The following ASPRV1 variants were observed in gnomAD, a reference collection of about 807,000 sequenced individuals.
The protein encoded by ASPRV1 is retroviral-like aspartic protease 1.
ASPRV1 carries 7 observed loss-of-function variants against 11.0 expected under a neutral mutation model. The ratio of observed to expected loss-of-function variants is 0.64; its 90% confidence interval spans 0.36 to 1.20. ASPRV1 has a LOEUF of 1.20. Ranked by LOEUF, ASPRV1 falls within the 50% of genes most tolerant of loss-of-function variation. The probability of loss-of-function intolerance (pLI) is 0.02; values close to 1 mark genes in which losing one functional copy is unlikely to be tolerated. For missense variants in ASPRV1, 299 were observed against 320.0 expected (o/e 0.93, Z 0.50); for synonymous variants, 136 against 138.4 (o/e 0.98, Z 0.12).
the ASPRV1 span, among the ~76,000 whole-genome samples, chr2:70,015,088 C>G: frequency 6.6e-6 from 1 of 152,174 alleles, no homozygotes; most frequent in African/African-American, 2.4e-5. Flanking sequence ...ATTATCACCT[C>G]ACACCCATTA....
chr2:69,994,301 C>G, the ASPRV1 span: 3 of 152,620 alleles, frequency 2.0e-5, no homozygotes, highest in Non-Finnish European at 4.4e-5. Flanking sequence ...AGATGTGCAG[C>G]CTGTGTCCCT....
At chr2:69,971,799 CTGAGGAGAAA>C in the ASPRV1 span, among the ~76,000 whole-genome samples, 1 of 152,298 alleles carries the variant, frequency 6.6e-6, no homozygotes, top group African/African-American at 2.4e-5. Context: ...GGGAGCTTTG[CTGAGGAGAAA>C]GGTGCCTCTG....
chr2:69,940,534 C>A, the ASPRV1 span: 4 of 152,554 alleles, frequency 2.6e-5, no homozygotes, highest in Non-Finnish European at 5.9e-5. Context: ...CCAAGAGATG[C>A]CATTATTTTC....
the ASPRV1 span, chr2:69,937,986 A>G: frequency 1.0e-6 from 1 of 968,802 alleles, no homozygotes; most frequent in Non-Finnish European, 1.5e-6. Flanking sequence ...ACCTCAAGTG[A>G]TCCACCCGCC....
chr2:70,009,092 A>C, the ASPRV1 span, among the ~76,000 whole-genome samples: 1 of 152,182 alleles, frequency 6.6e-6, no homozygotes, highest in African/African-American at 2.4e-5. Flanking sequence ...GAAAAAAATT[A>C]ATTTCTCAGA....
the ASPRV1 span, among the ~76,000 whole-genome samples, chr2:69,978,753 G>A: frequency 3.9e-5 from 6 of 152,340 alleles, no homozygotes; most frequent in South Asian, 4.1e-4. Context: ...GTAGCAGCCC[G>A]TGGACAGGAG....
chr2:69,999,769 G>A, the ASPRV1 span, among the ~76,000 whole-genome samples: 2 of 151,132 alleles, frequency 1.3e-5, no homozygotes, highest in African/African-American at 2.4e-5. Context: ...GAATTGTCAC[G>A]ATCTCTGCAC....
At chr2:70,043,666 C>T in the ASPRV1 span, among the ~76,000 whole-genome samples, 7 of 152,236 alleles carry the variant, frequency 4.6e-5, no homozygotes, top group Non-Finnish European at 8.8e-5. Flanking sequence ...AAATGCCCTG[C>T]CCTTGTTGCC....
chr2:70,081,299 C>T, the ASPRV1 span: 7 of 152,038 alleles, frequency 4.6e-5, no homozygotes, highest in African/African-American at 1.7e-4. Flanking sequence ...AATTTTCCAT[C>T]CTGGCTAACA....
At chr2:69,935,384 G>A in the ASPRV1 span, 2 of 1,614,142 alleles carry the variant, frequency 1.2e-6, no homozygotes, top group Non-Finnish European at 1.7e-6. Context: ...TGGAGAAGTT[G>A]AAGGGGCTGG....
the ASPRV1 span, among the ~76,000 whole-genome samples, chr2:70,075,524 T>C: frequency 2.6e-5 from 4 of 152,044 alleles, no homozygotes; most frequent in East Asian, 1.9e-4. Context: ...AATGAGATAA[T>C]CCATGTAGAG....
the ASPRV1 span, chr2:70,086,043 T>C: frequency 2.6e-5 from 4 of 152,146 alleles, no homozygotes; most frequent in African/African-American, 9.7e-5. Context: ...AGAGATTAAA[T>C]ATTGTGCCCA....
At chr2:70,058,139 G>A in the ASPRV1 span, among the ~76,000 whole-genome samples, 49 of 152,268 alleles carry the variant, frequency 3.2e-4, no homozygotes, top group Middle Eastern at 6.8e-3. Context: ...AAGGAATCAC[G>A]GATATGATCA....
the ASPRV1 span, among the ~76,000 whole-genome samples, chr2:70,077,953 G>C: frequency 6.6e-6 from 1 of 151,510 alleles, no homozygotes. Context: ...TGGATCATGA[G>C]GTCAGGAGTT....
At chr2:69,963,451 C>CCTG, upstream of ASPRV1, 1 of 456,630 alleles carries the variant, frequency 2.2e-6, no homozygotes. Flanking sequence ...AGAACTGATC[C>CCTG]AGTGGTTTCC....
At chr2:69,999,119 A>G in the ASPRV1 span, among the ~76,000 whole-genome samples, 1 of 152,164 alleles carries the variant, frequency 6.6e-6, no homozygotes, top group Non-Finnish European at 1.5e-5. Flanking sequence ...TTTTGGAAAC[A>G]GGGTTTCACT....
At chr2:69,977,936 A>G in the ASPRV1 span, among the ~76,000 whole-genome samples, 1 of 152,172 alleles carries the variant, frequency 6.6e-6, no homozygotes, top group African/African-American at 2.4e-5. Flanking sequence ...CTAGGTCATG[A>G]GCCCCAGAAG....
the ASPRV1 span, among the ~76,000 whole-genome samples, chr2:69,946,302 G>A: frequency 3.2e-3 from 490 of 152,270 alleles, 2 homozygotes; most frequent in Non-Finnish European, 4.8e-3. Context: ...TAGGTACCCC[G>A]GAAGGTGGTC....
the ASPRV1 span, among the ~76,000 whole-genome samples, chr2:70,025,101 T>G: frequency 6.6e-6 from 1 of 152,242 alleles, no homozygotes; most frequent in Non-Finnish European, 1.5e-5. Context: ...TTGTTATTAT[T>G]TTCATACCAG....
Sources: gnomAD v4.1 joint callset for allele counts (sites outside exome capture counted in the v4.1 genomes callset) on GRCh38, gnomAD v4.1.1 for gene constraint, MANE v1.5 for transcripts, NCBI Gene and HGNC (gene_info 2026-07-23, HGNC 2026-07-21) for gene names.